Variants in ADGRV1 observed in about 807,000 individuals in gnomAD.
ADGRV1 encodes the protein G-protein coupled receptor 98.
Under a neutral mutation model 596.2 loss-of-function variants are expected in ADGRV1, and 359 were observed. The ratio of observed to expected loss-of-function variants is 0.60; its 90% CI spans 0.55 to 0.66. The LOEUF is 0.66. ADGRV1 is among the 30% of genes least tolerant of loss of function. The pLI is 0.00. For missense variants in ADGRV1, 7,274 were observed against 7,575.6 expected, an observed-to-expected ratio of 0.96 and a Z score of 1.48; for synonymous variants, 2,681 against 2,679.2, an observed-to-expected ratio of 1.00 and a Z score of -0.02.
intron 59 of ADGRV1, among the ~76,000 whole-genome samples, chr5:90,771,987 A>G (rs1000921034): frequency 1.3e-5 from 2 of 152,062 alleles, no homozygotes; most frequent in East Asian, 1.9e-4. Context: ...ATTGGCTGGG[A>G]TTTTCCACCT....
chr5:90,941,553 G>A (rs1776169694), intron 83 of ADGRV1, among the ~76,000 whole-genome samples: 1 of 152,116 alleles, frequency 6.6e-6, no homozygotes, highest in African/African-American at 2.4e-5. Context: ...AAAACCTGCT[G>A]GATGGTTTTC....
intron 50 of ADGRV1, among the ~76,000 whole-genome samples, chr5:90,737,073 T>TC (rs1753333781): frequency 6.6e-6 from 1 of 151,908 alleles, no homozygotes; most frequent in African/African-American, 2.4e-5. Flanking sequence ...TATTTCTTTT[T>TC]CAATACAGGC....
At chr5:90,897,830 T>G (rs1054176415) in intron 83 of ADGRV1, among the ~76,000 whole-genome samples, 2 of 152,176 alleles carry the variant, frequency 1.3e-5, no homozygotes, top group Non-Finnish European at 2.9e-5. Context: ...AATGTGCTCA[T>G]GTAACCTAAC....
chr5:90,821,163 A>T (rs1290295579), intron 75 of ADGRV1, among the ~76,000 whole-genome samples: 1 of 150,884 alleles, frequency 6.6e-6, no homozygotes, highest in Non-Finnish European at 1.5e-5. Flanking sequence ...CATTTCATTC[A>T]TTTCATCTTC....
chr5:91,052,872 G>C (rs1581909066), intron 85 of ADGRV1, among the ~76,000 whole-genome samples: 1 of 152,098 alleles, frequency 6.6e-6, no homozygotes, highest in Non-Finnish European at 1.5e-5. Flanking sequence ...AGTATCAAAG[G>C]CCTCTCCTCC....
intron 4 of ADGRV1, among the ~76,000 whole-genome samples, chr5:90,619,889 A>G (rs1580474112): frequency 1.3e-5 from 2 of 151,746 alleles, no homozygotes; most frequent in African/African-American, 4.8e-5. Context: ...GCTGAGAATG[A>G]TGGTTTCCAG....
At chr5:90,564,486 G>C (rs1755275357) in intron 1 of ADGRV1, among the ~76,000 whole-genome samples, 1 of 152,186 alleles carries the variant, frequency 6.6e-6, no homozygotes, top group African/African-American at 2.4e-5. Flanking sequence ...GATTAACCTG[G>C]CTGGAAATGT....
chr5:91,079,896 A>G (rs1404743088), intron 86 of ADGRV1, among the ~76,000 whole-genome samples: 1 of 152,180 alleles, frequency 6.6e-6, no homozygotes, highest in Non-Finnish European at 1.5e-5. Flanking sequence ...GAAAGAGTAA[A>G]GGGCTGGCAC....
In ADGRV1 at chr5:90,725,645, G is replaced by A. The variant is rs371240064; in HGVS notation, c.10150G>A (p.Glu3384Lys). 1.8e-5 allele frequency: 27 copies of A among 1,512,578 alleles called. No individual in the cohort carries two copies. In the South Asian group the frequency reaches 2.0e-4, roughly 11 times the overall value. 93.7% of individuals were successfully genotyped at this position (1,512,578 alleles called of 1,614,324 possible). ...CATTGCAAGTCAAAGAGATGATTCC[G>A]AATTAACTCAGGTTTGATTCTTTTA... The part of the protein sequence containing the change: ...LIIASQRDDS[E>K]LTQVFRWNGG... The change falls in exon 48 of 90, where the codon GAA (glutamate) becomes AAA (lysine). Residue 3384 changes from glutamate to lysine, a missense_variant. Physicochemically the swap from Glu to Lys is moderately conservative, Grantham distance 56. This residue lies in a region of ADGRV1 where 3,643 missense variants were observed against 3,809.2 expected (regional missense o/e 0.96). Transcript: ENST00000405460.
intron 34 of ADGRV1, among the ~76,000 whole-genome samples, chr5:90,701,509 C>G (rs1046751756): frequency 3.3e-5 from 5 of 151,908 alleles, no homozygotes; most frequent in African/African-American, 4.8e-5. Flanking sequence ...TACATTTTCA[C>G]TAGGCTTACA....
intron 86 of ADGRV1, among the ~76,000 whole-genome samples, chr5:91,090,010 A>G (rs1397186858): frequency 1.3e-5 from 2 of 152,218 alleles, no homozygotes; most frequent in Admixed American, 6.5e-5. Flanking sequence ...GGCTGACTTC[A>G]TATTTGTTTT....
At chr5:90,676,007 G>A in intron 24 of ADGRV1, 73 bp from the exon 25 acceptor site, 1 of 1,201,608 alleles carries the variant, frequency 8.3e-7, no homozygotes, top group Non-Finnish European at 1.1e-6. Context: ...TTACAAATTT[G>A]TGTACAGAAT....
chr5:90,813,461 A>G (rs1762637345), intron 74 of ADGRV1, among the ~76,000 whole-genome samples: 1 of 152,166 alleles, frequency 6.6e-6, no homozygotes, highest in Non-Finnish European at 1.5e-5. Flanking sequence ...GTTTTATCAG[A>G]CAATATAGCC....
chr5:90,630,553 G>A (rs1580517808), intron 9 of ADGRV1: 1 of 152,018 alleles, frequency 6.6e-6, no homozygotes, highest in Admixed American at 6.6e-5. Flanking sequence ...TCAATAAAGG[G>A]TACTTATTAA....
At chr5:90,890,769 A>G (rs1376694491) in intron 83 of ADGRV1, among the ~76,000 whole-genome samples, 1 of 152,146 alleles carries the variant, frequency 6.6e-6, no homozygotes. Context: ...TTCTCTAAAG[A>G]CATTGTAACA....
intron 52 of ADGRV1, among the ~76,000 whole-genome samples, 165 bp from the exon 53 acceptor site, chr5:90,750,386 A>G (rs1449233455): frequency 6.6e-6 from 1 of 152,212 alleles, no homozygotes; most frequent in Non-Finnish European, 1.5e-5. Flanking sequence ...TGTGTTTTAA[A>G]TCATGGTCAT....
intron 85 of ADGRV1, among the ~76,000 whole-genome samples, chr5:91,067,888 T>C (rs1231875094): frequency 6.6e-6 from 1 of 152,144 alleles, no homozygotes; most frequent in Non-Finnish European, 1.5e-5. Flanking sequence ...ATGACCACTG[T>C]TTTTAGTGCA....
chr5:90,705,434 T>C lies in ADGRV1; in HGVS notation c.8421T>C (p.Ala2807=). 1.2e-6 allele frequency: 2 copies of C among 1,613,954 alleles called. No homozygotes were observed. Among genetic ancestry groups the C allele is most frequent in the Non-Finnish European group, 1.7e-6 (2 of 1,179,822 alleles). Reference sequence around the variant, plus strand: ...CAGCCGGAATCGCCCTGCTTGATGCTCAAGGATATGCAGCTGTCCTCACAG... The same window carrying C: ...CAGCCGGAATCGCCCTGCTTGATGCCCAAGGATATGCAGCTGTCCTCACAG... ...VPPAGIALLD[A]QGYAAVLTVE... is the part of the protein sequence containing the mutation. The change falls in exon 37 of 90, where the codon GCT becomes GCC. Residue 2807 remains alanine, a synonymous_variant. Transcript: ENST00000405460.
At chr5:91,154,532 C>T (rs1284587655) in intron 89 of ADGRV1, among the ~76,000 whole-genome samples, 1 of 152,236 alleles carries the variant, frequency 6.6e-6, no homozygotes, top group Non-Finnish European at 1.5e-5. Flanking sequence ...GGCCTTGAGA[C>T]CGTGCTCTCA....
Sources: allele counts gnomAD v4.1 joint callset (sites outside exome capture counted in the v4.1 genomes callset), GRCh38; gene constraint gnomAD v4.1.1; regional missense constraint gnomAD v4.1.1; transcripts MANE v1.5; gene names NCBI Gene and HGNC (gene_info 2026-07-23, HGNC 2026-07-21).